Variants in CFAP61 observed in about 807,000 individuals in gnomAD.
The protein encoded by CFAP61 is cilia and flagella associated protein 61, also known as cilia- and flagella-associated protein 61.
In CFAP61, 107 loss-of-function variants were observed where a neutral mutation model predicts 135.6. The observed-to-expected ratio is 0.79, with a 90% CI of 0.67 to 0.93. The LOEUF is 0.93. Ranked by LOEUF, CFAP61 falls within the 40% of genes least tolerant of loss-of-function variation. The probability of loss-of-function intolerance (pLI) is 0.00; values close to 1 mark genes in which losing one functional copy is unlikely to be tolerated. For missense variants in CFAP61, 1,507 were observed against 1,556.2 expected (o/e 0.97, Z 0.53); for synonymous variants, 575 against 578.5 (o/e 0.99, Z 0.09).
At chr20:20,066,687 TA>T (rs770979382) in intron 2 of CFAP61, among the ~76,000 whole-genome samples, 5 of 151,820 alleles carry the variant, frequency 3.3e-5, no homozygotes, top group Non-Finnish European at 7.4e-5. Context: ...GGGTGGGGGC[TA>T]GGGGAGGGAT....
In CFAP61 at chr20:20,103,808, A is replaced by G. The variant is rs538852848; in HGVS notation, c.859+4994A>G. On this transcript the variant is annotated intron_variant, in intron 8 of 26. Coordinates refer to ENST00000245957, the MANE Select transcript of CFAP61 (RefSeq NM_015585.4). ...AATAAATATTTTGGAATCAAGCTTG[A>G]GCTGGCAATTTTCTTGATAATGCAT... is the stretch of plus-strand genomic sequence containing the variant. Among the ~76,000 whole-genome samples, 9 of 152,330 alleles carry G rather than the reference A, an allele frequency of 5.9e-5. No individual in the cohort carries two copies. The South Asian group carries it at 1.9e-3, about 32-fold the overall frequency.
chr20:20,319,990 T>C (rs577370034), intron 25 of CFAP61, among the ~76,000 whole-genome samples: 7 of 151,944 alleles, frequency 4.6e-5, no homozygotes, highest in African/African-American at 1.4e-4. Flanking sequence ...CTACCACCAA[T>C]ATGTAGGAAA....
At chr20:20,078,710 A>T (rs1032608624) in intron 6 of CFAP61, among the ~76,000 whole-genome samples, 1 of 152,156 alleles carries the variant, frequency 6.6e-6, no homozygotes, top group African/African-American at 2.4e-5. Context: ...TGAAAACTAG[A>T]AGAGAGGGAG....
intron 8 of CFAP61, among the ~76,000 whole-genome samples, chr20:20,118,525 G>A (rs1249262298): frequency 1.3e-5 from 2 of 151,774 alleles, no homozygotes; most frequent in Non-Finnish European, 2.9e-5. Context: ...ATTTTTAGTA[G>A]AGATGGGGTT....
intron 7 of CFAP61, among the ~76,000 whole-genome samples, chr20:20,095,298 TC>T (rs1414425120): frequency 1.3e-5 from 2 of 152,180 alleles, no homozygotes; most frequent in Non-Finnish European, 2.9e-5. Context: ...TCTGGGCTTT[TC>T]CCCCGCAAAT....
chr20:20,297,174 A>G (rs2055701468), intron 24 of CFAP61, among the ~76,000 whole-genome samples: 1 of 152,110 alleles, frequency 6.6e-6, no homozygotes, highest in South Asian at 2.1e-4. Flanking sequence ...AACACCCACC[A>G]GTTGCCTGTA....
chr20:20,241,479 TA>T (rs2050010889), intron 18 of CFAP61, among the ~76,000 whole-genome samples: 2 of 152,350 alleles, frequency 1.3e-5, no homozygotes, highest in South Asian at 4.1e-4. Flanking sequence ...TTAGGTTTTT[TA>T]AAAAACTACT....
At chr20:20,298,517 T>G in intron 25 of CFAP61, 131 bp downstream of exon 25, 1 of 752,656 alleles carries the variant, frequency 1.3e-6, no homozygotes, top group East Asian at 2.7e-5. Context: ...TGGCAGAGAT[T>G]TCGTTCTAAT....
At chr20:20,109,850 T>A (rs889885932) in intron 8 of CFAP61, among the ~76,000 whole-genome samples, 8 of 152,176 alleles carry the variant, frequency 5.3e-5, no homozygotes, top group African/African-American at 1.9e-4. Flanking sequence ...CTCTTTCTCC[T>A]GATTTCTTTG....
chr20:20,105,700 C>T lies in CFAP61; in HGVS notation c.859+6886C>T, dbSNP rs1467825858. Among the ~76,000 whole-genome samples, 7 of 152,020 alleles carry T rather than the reference C, an allele frequency of 4.6e-5. No individual in the cohort carries two copies. The South Asian group carries it at 1.5e-3, about 32-fold the overall frequency. On this transcript the variant is annotated intron_variant, in intron 8 of 26. Coordinates refer to ENST00000245957, the MANE Select transcript of CFAP61 (RefSeq NM_015585.4). ...AGGCTGGAGTGCAGTGGTGCAATCTCGGCTCACTGAAAGCTCCGCCTCCCA... is the reference window on the plus strand; with the variant it reads ...AGGCTGGAGTGCAGTGGTGCAATCTTGGCTCACTGAAAGCTCCGCCTCCCA...
intron 26 of CFAP61, among the ~76,000 whole-genome samples, chr20:20,344,681 G>A (rs1467765395): frequency 6.6e-6 from 1 of 152,162 alleles, no homozygotes; most frequent in Non-Finnish European, 1.5e-5. Flanking sequence ...CCACTGTAGA[G>A]AACAGTCTGG....
chr20:20,074,526 G>A (rs943762271), intron 4 of CFAP61, 148 bp downstream of exon 4: 68 of 673,926 alleles, frequency 1.0e-4, no homozygotes, highest in Middle Eastern at 6.1e-4. Flanking sequence ...GAATAGCAAT[G>A]ATATTTCTGA....
In CFAP61 at chr20:20,188,045, C is replaced by T. The variant is rs775715386; in HGVS notation, c.1501C>T (p.Arg501Cys). ...LEDLDRYNKA[R>C]KDPDGTLLQA... ...GGACTTAGACCGTTACAACAAGGCT[C>T]GCAAAGACCCTGTAAGTACCTGTTG... is the stretch of plus-strand genomic sequence containing the variant. Residue 501 changes from arginine to cysteine, a missense_variant, in exon 14 of 27, where the codon CGC (arginine) becomes TGC (cysteine). Transcript: ENST00000245957. 36 of 1,613,998 alleles carry T rather than the reference C, an allele frequency of 2.2e-5. No homozygotes were observed. Among genetic ancestry groups the T allele is most frequent in the Non-Finnish European group, 2.9e-5 (34 of 1,179,988 alleles).
intron 9 of CFAP61, among the ~76,000 whole-genome samples, chr20:20,148,217 C>T (rs1476842474): frequency 6.6e-6 from 1 of 152,032 alleles, no homozygotes; most frequent in Non-Finnish European, 1.5e-5. Context: ...TTTGCTTAGT[C>T]TTGCTTTGGC....
chr20:20,267,887 C>T (rs2147022536), intron 21 of CFAP61: 1 of 152,328 alleles, frequency 6.6e-6, no homozygotes, highest in African/African-American at 2.4e-5. Flanking sequence ...TCCGGAGGCT[C>T]CACCCCAATG....
At chr20:20,183,786 A>G (rs1444253633) in intron 13 of CFAP61, among the ~76,000 whole-genome samples, 2 of 152,204 alleles carry the variant, frequency 1.3e-5, no homozygotes, top group Non-Finnish European at 2.9e-5. Flanking sequence ...CTTACAGCAC[A>G]TCTCAATTCT....
intron 21 of CFAP61, chr20:20,265,620 T>G (rs1601713003): frequency 2.9e-6 from 2 of 691,436 alleles, no homozygotes; most frequent in Non-Finnish European, 5.3e-6. Context: ...CTGTCTTACA[T>G]GTAGGTGATT....
At chr20:20,231,213 C>CT (rs554441713) in intron 18 of CFAP61, among the ~76,000 whole-genome samples, 44 of 152,234 alleles carry the variant, frequency 2.9e-4, no homozygotes, top group Admixed American at 1.2e-3. Flanking sequence ...GGTGTTCTGA[C>CT]TTTTTATTTT....
rs538582110 is a variant in CFAP61, at chr20:20,159,695, A to G, written c.1026+251A>G. ...GTAAGTTGCATTTTCTACATAAATT[A>G]TTTGCAAAAATTTTAGTAAATACAG... is the stretch of plus-strand genomic sequence containing the variant. On this transcript the variant is annotated intron_variant, in intron 10 of 26. Transcript: ENST00000245957. 3.3e-5 allele frequency among the ~76,000 whole-genome samples: 5 copies of G among 152,290 alleles called. No individual in the cohort carries two copies. The South Asian group carries it at 1.0e-3, about 32-fold the overall frequency.
Sources: allele counts gnomAD v4.1 joint callset (sites outside exome capture counted in the v4.1 genomes callset), GRCh38; gene constraint gnomAD v4.1.1; transcripts MANE v1.5; gene names NCBI Gene and HGNC (gene_info 2026-07-23, HGNC 2026-07-21).